POC1B: variants seen among roughly 807,000 people sequenced by gnomAD.
The protein encoded by POC1B is POC1 centriolar protein homolog B.
In POC1B, 44 loss-of-function variants were observed where a neutral mutation model predicts 60.6. The ratio of observed to expected loss-of-function variants is 0.73; its 90% confidence interval spans 0.57 to 0.93. The LOEUF is 0.93. Among genes scored for constraint, POC1B ranks in the 40% least tolerant of loss-of-function variants. POC1B has a pLI of 0.00. For missense variants in POC1B, 555 were observed against 572.3 expected, an observed-to-expected ratio of 0.97 and a Z score of 0.31; for synonymous variants, 180 against 198.9, an observed-to-expected ratio of 0.90 and a Z score of 0.80.
chr12:89,523,662 C>T, intron 2 of POC1B: 2 of 1,538,178 alleles, frequency 1.3e-6, no homozygotes, highest in African/African-American at 1.4e-5. Context: ...TTGATATCCG[C>T]CTGTCCCTTT....
chr12:89,467,019 A>T (rs1882712552), intron 8 of POC1B, 97 bp from the exon 9 acceptor site: 1 of 941,378 alleles, frequency 1.1e-6, no homozygotes, highest in East Asian at 2.7e-5. Flanking sequence ...TGTCTCCCAA[A>T]GTAGGAAGGG....
At chr12:89,456,249 G>C (rs1183858480) in intron 10 of POC1B, among the ~76,000 whole-genome samples, 3 of 152,290 alleles carry the variant, frequency 2.0e-5, no homozygotes, top group Middle Eastern at 3.4e-3. Flanking sequence ...CGGAACCCCT[G>C]ACCTCAGGTG....
the POC1B span, among the ~76,000 whole-genome samples, chr12:89,408,916 T>C: frequency 6.6e-6 from 1 of 152,240 alleles, no homozygotes; most frequent in Admixed American, 6.5e-5. Context: ...GCTGCATAAA[T>C]GTCTTCTTTT....
At chr12:89,425,791 A>C (rs1880738953) in intron 10 of POC1B, 1 of 153,848 alleles carries the variant, frequency 6.5e-6, no homozygotes, top group Non-Finnish European at 1.4e-5. Context: ...GTCCATTGCT[A>C]GTAGGAATGT....
At chr12:89,487,484 G>A (rs557449948) in intron 4 of POC1B, among the ~76,000 whole-genome samples, 4 of 152,282 alleles carry the variant, frequency 2.6e-5, no homozygotes, top group African/African-American at 9.6e-5. Context: ...GCATCACTCA[G>A]TCCCAAACAC....
At chr12:89,428,112 C>T (rs1462976998) in intron 10 of POC1B, 1 of 152,224 alleles carries the variant, frequency 6.6e-6, no homozygotes, top group African/African-American at 2.4e-5. Flanking sequence ...AGACCTCATT[C>T]ACTGGGAACA....
chr12:89,523,676 G>A, intron 2 of POC1B: 1 of 1,538,802 alleles, frequency 6.5e-7, no homozygotes, highest in South Asian at 1.3e-5. Flanking sequence ...TCCCTTTCCT[G>A]TTTGGGGACA....
At chr12:89,454,513 AC>A (rs1882176605) in intron 10 of POC1B, among the ~76,000 whole-genome samples, 1 of 149,956 alleles carries the variant, frequency 6.7e-6, no homozygotes, top group Non-Finnish European at 1.5e-5. Context: ...TCTGCAGGAA[AC>A]CCCCCAGTGG....
intron 10 of POC1B, among the ~76,000 whole-genome samples, chr12:89,430,535 C>T (rs191472888): frequency 1.2e-4 from 18 of 152,234 alleles, no homozygotes; most frequent in Admixed American, 2.0e-4. Context: ...CAACTACGTG[C>T]GAAAGTTCAT....
chr12:89,499,609 T>C (rs1592629910), intron 2 of POC1B, among the ~76,000 whole-genome samples: 1 of 145,916 alleles, frequency 6.9e-6, no homozygotes, highest in Non-Finnish European at 1.5e-5. Flanking sequence ...ACTTTGACAA[T>C]AAGGAAAGGA....
intron 2 of POC1B, chr12:89,501,924 T>A: frequency 8.9e-7 from 1 of 1,121,688 alleles, no homozygotes. Context: ...TTGGTCATGA[T>A]GAAATTTCCA....
chr12:89,498,646 C>T (rs774632842), intron 2 of POC1B, among the ~76,000 whole-genome samples: 8 of 152,050 alleles, frequency 5.3e-5, no homozygotes, highest in Non-Finnish European at 1.2e-4. Flanking sequence ...TGCTTAGCAC[C>T]CCCTTTTTAA....
chr12:89,450,232 G>T (rs901625835), intron 10 of POC1B, among the ~76,000 whole-genome samples: 2 of 151,330 alleles, frequency 1.3e-5, no homozygotes, highest in Admixed American at 1.3e-4. Flanking sequence ...TTTTGAGATG[G>T]AGTCTTGCAC....
At chr12:89,502,669 TG>T in intron 2 of POC1B, 1 of 1,336,366 alleles carries the variant, frequency 7.5e-7, no homozygotes, top group South Asian at 1.2e-5. Context: ...TTGTTAAGCA[TG>T]GTGAGTTGAA....
chr12:89,452,648 G>C (rs928261857), intron 10 of POC1B, among the ~76,000 whole-genome samples: 4 of 151,964 alleles, frequency 2.6e-5, no homozygotes, highest in Non-Finnish European at 5.9e-5. Context: ...TAAAAAAATT[G>C]GGACTTAGTG....
chr12:89,433,348 C>T (rs188987431), intron 10 of POC1B, among the ~76,000 whole-genome samples: 47 of 152,214 alleles, frequency 3.1e-4, no homozygotes, highest in African/African-American at 1.0e-3. Flanking sequence ...GGGATAACTA[C>T]TCGATAAATG....
intron 6 of POC1B, among the ~76,000 whole-genome samples, chr12:89,471,016 T>C (rs1882868206): frequency 6.6e-6 from 1 of 152,232 alleles, no homozygotes; most frequent in South Asian, 2.1e-4. Flanking sequence ...GTAGTTCTAT[T>C]GATTCTTTGA....
Position 89,466,779 on chromosome 12 carries a change from C to G in POC1B, c.1023G>C (p.Glu341Asp), listed in dbSNP as rs1882699601. ...RTPHPHEEKVETVEINPKLEV... is the reference protein window; with the variant it reads ...RTPHPHEEKVDTVEINPKLEV... ...TGAACAAAATACTCACTTCTACAGT[C>G]TCAACTTTTTCCTCATGGGGATGTG... Residue 341 changes from glutamate (E) to aspartate (D), a missense_variant, in exon 9 of 12, where the codon GAG becomes GAC. By Grantham distance (45) the Glu-to-Asp change is conservative. Transcript: ENST00000313546. 6.2e-7 allele frequency: 1 copy of G among 1,611,858 alleles called. No individual in the cohort carries two copies. Among genetic ancestry groups the G allele is most frequent in the Admixed American group, 1.7e-5 (1 of 59,868 alleles).
chr12:89,514,398 A>ATTTTT (rs1592641848), intron 2 of POC1B, among the ~76,000 whole-genome samples: 14 of 37,824 alleles, frequency 3.7e-4, no homozygotes, highest in South Asian at 1.1e-3. Context: ...AGTTTCATGT[A>ATTTTT]TTTCTTTTTT....
Sources: gnomAD v4.1 joint callset for allele counts (sites outside exome capture counted in the v4.1 genomes callset) on GRCh38, gnomAD v4.1.1 for gene constraint, MANE v1.5 for transcripts, NCBI Gene and HGNC (gene_info 2026-07-23, HGNC 2026-07-21) for gene names.